GALNT13: variants seen among roughly 807,000 people sequenced by gnomAD.
GALNT13 encodes polypeptide N-acetylgalactosaminyltransferase 13.
A neutral mutation model predicts 64.2 loss-of-function variants in GALNT13; 28 were observed. That is an observed-to-expected ratio of 0.44 (90% CI 0.32 to 0.60). The LOEUF is 0.60. Ranked by LOEUF, GALNT13 falls within the 20% of genes least tolerant of loss-of-function variation. The pLI is 0.05. For missense variants in GALNT13, 577 were observed against 669.8 expected, an observed-to-expected ratio of 0.86 and a Z score of 1.53; for synonymous variants, 214 against 224.6, an observed-to-expected ratio of 0.95 and a Z score of 0.42.
At chr2:154,155,867 C>A (rs891782718) in intron 4 of GALNT13, among the ~76,000 whole-genome samples, 1 of 151,366 alleles carries the variant, frequency 6.6e-6, no homozygotes, top group Non-Finnish European at 1.5e-5. Flanking sequence ...CATTCCAAGT[C>A]CAACTTGAAA....
At chr2:153,577,847 A>G in the GALNT13 span, among the ~76,000 whole-genome samples, 1 of 150,790 alleles carries the variant, frequency 6.6e-6, no homozygotes, top group Non-Finnish European at 1.5e-5. Context: ...TATATTCAAT[A>G]TATGGATATT....
chr2:153,973,838 G>T (rs1239007838), intron 3 of GALNT13, among the ~76,000 whole-genome samples: 2 of 151,912 alleles, frequency 1.3e-5, no homozygotes, highest in African/African-American at 4.8e-5. Flanking sequence ...AGATGAACAT[G>T]ACCATATACA....
At chr2:153,882,071 C>A (rs1201712064) in intron 1 of GALNT13, among the ~76,000 whole-genome samples, 1 of 151,594 alleles carries the variant, frequency 6.6e-6, no homozygotes, top group African/African-American at 2.4e-5. Flanking sequence ...TCTAAACTAT[C>A]TCCTGAAAAC....
At chr2:154,394,389 T>C (rs1364610977) in intron 9 of GALNT13, among the ~76,000 whole-genome samples, 4 of 152,152 alleles carry the variant, frequency 2.6e-5, no homozygotes, top group African/African-American at 9.7e-5. Flanking sequence ...TAGGAAGATG[T>C]TATGGAGCCA....
intron 4 of GALNT13, among the ~76,000 whole-genome samples, chr2:154,228,053 T>G (rs1688718081): frequency 6.6e-6 from 1 of 152,134 alleles, no homozygotes. Flanking sequence ...AACAGTTTGC[T>G]GGCTGAAGAT....
chr2:153,095,655 A>G, the GALNT13 span, among the ~76,000 whole-genome samples: 477 of 152,316 alleles, frequency 3.1e-3, 2 homozygotes, highest in African/African-American at 0.011. Context: ...CATCAATGAT[A>G]GACTGGATTA....
chr2:154,180,504 T>C (rs1685897541), intron 4 of GALNT13, among the ~76,000 whole-genome samples: 1 of 146,450 alleles, frequency 6.8e-6, no homozygotes, highest in South Asian at 2.3e-4. Flanking sequence ...TCTACAGTTA[T>C]AAGTACCTGT....
the GALNT13 span, among the ~76,000 whole-genome samples, chr2:153,751,748 A>G: frequency 2.5e-3 from 373 of 151,852 alleles, 2 homozygotes; most frequent in Admixed American, 0.019. Flanking sequence ...ACTGTAGGCA[A>G]TAGATCAATG....
At chr2:153,998,775 C>T (rs1695695028) in intron 3 of GALNT13, among the ~76,000 whole-genome samples, 1 of 151,950 alleles carries the variant, frequency 6.6e-6, no homozygotes, top group African/African-American at 2.4e-5. Flanking sequence ...GGTTTTAGGT[C>T]TTATGTTTAA....
chr2:153,897,803 T>G lies in GALNT13; in HGVS notation c.-176-3133T>G, dbSNP rs188546604. Among the ~76,000 whole-genome samples, 9 of 152,216 alleles carry G rather than the reference T, an allele frequency of 5.9e-5. No individual in the cohort carries two copies. The East Asian group carries it at 9.6e-4, about 16-fold the overall frequency. On this transcript the variant is annotated intron_variant, in intron 1 of 12. Transcript: ENST00000392825. ...TTATATTTTCCTTAATACAGTTTAA[T>G]CCATTACAATAATTATTTATTTCCC...
the GALNT13 span, among the ~76,000 whole-genome samples, chr2:153,748,237 C>A: frequency 5.9e-5 from 9 of 152,182 alleles, no homozygotes; most frequent in African/African-American, 2.2e-4. Context: ...TTCTTTAGAA[C>A]TTGTGTGAGC....
the GALNT13 span, among the ~76,000 whole-genome samples, chr2:153,697,727 A>G: frequency 3.3e-5 from 5 of 152,182 alleles, no homozygotes; most frequent in African/African-American, 1.2e-4. Context: ...AAAGCAATTT[A>G]AAGGTCCTAG....
At chr2:154,285,558 CTGTTT>C (rs1692215637) in intron 8 of GALNT13, among the ~76,000 whole-genome samples, 2 of 151,944 alleles carry the variant, frequency 1.3e-5, no homozygotes, top group Non-Finnish European at 2.9e-5. Context: ...GCTTTTGATT[CTGTTT>C]TACTGGTCTA....
At chr2:153,351,397 C>A in the GALNT13 span, among the ~76,000 whole-genome samples, 1 of 152,110 alleles carries the variant, frequency 6.6e-6, no homozygotes, top group East Asian at 1.9e-4. Flanking sequence ...ACATGCATAG[C>A]CTCTCCCAGA....
intron 9 of GALNT13, among the ~76,000 whole-genome samples, chr2:154,384,962 C>T (rs1334512994): frequency 1.3e-5 from 2 of 151,936 alleles, no homozygotes; most frequent in African/African-American, 2.4e-5. Flanking sequence ...ACTGAAACTG[C>T]AGTTGGCTAC....
At chr2:154,108,611 A>G (rs1476594980) in intron 3 of GALNT13, among the ~76,000 whole-genome samples, 3 of 151,700 alleles carry the variant, frequency 2.0e-5, no homozygotes. Context: ...GTCTATTTTT[A>G]TTTGGTTGCC....
the GALNT13 span, among the ~76,000 whole-genome samples, chr2:153,095,219 T>C: frequency 1.3e-5 from 2 of 152,016 alleles, no homozygotes; most frequent in Non-Finnish European, 2.9e-5. Context: ...CCATCAAAAA[T>C]TGGGCAAAGG....
chr2:154,025,991 G>T (rs1169614733), intron 3 of GALNT13, among the ~76,000 whole-genome samples: 1 of 152,080 alleles, frequency 6.6e-6, no homozygotes, highest in East Asian at 1.9e-4. Flanking sequence ...AGGCTTACTT[G>T]CCATTATATA....
At chr2:153,780,240 TATATATATATATATATATGC>T in the GALNT13 span, among the ~76,000 whole-genome samples, 2 of 19,458 alleles carry the variant, frequency 1.0e-4, no homozygotes, top group Non-Finnish European at 3.1e-4. Flanking sequence ...TATATATATA[TATATATATATATATATATGC>T]ATATATATAT....
Sources: gnomAD v4.1 joint callset for allele counts (sites outside exome capture counted in the v4.1 genomes callset) on GRCh38, gnomAD v4.1.1 for gene constraint, MANE v1.5 for transcripts, NCBI Gene and HGNC (gene_info 2026-07-23, HGNC 2026-07-21) for gene names.